GRAMD1A: variants seen among roughly 807,000 people sequenced by gnomAD.
GRAMD1A encodes GRAM domain containing 1A, also known as protein Aster-A.
Under a neutral mutation model 92.0 loss-of-function variants are expected in GRAMD1A, and 50 were observed. That is an observed-to-expected ratio of 0.54 (90% CI 0.43 to 0.69). The LOEUF (loss-of-function observed/expected upper bound fraction) is 0.69. Ranked by LOEUF, GRAMD1A falls within the 30% of genes least tolerant of loss-of-function variation. GRAMD1A has a pLI of 0.00. For synonymous variants in GRAMD1A, 405 were observed against 403.6 expected (o/e 1.00, Z -0.04); for missense variants, 819 against 978.9 (o/e 0.84, Z 2.18).
At chr19:35,000,321 G>T, upstream of GRAMD1A, 1 of 1,056,840 alleles carries the variant, frequency 9.5e-7, no homozygotes, top group Non-Finnish European at 1.1e-6. This position sits in a 1 kb window ranked among gnomAD's most constrained non-coding sequence, Gnocchi z 4.9. Flanking sequence ...GGCGGCTCCG[G>T]CCTTTTGTGC....
chr19:35,012,372 T>C (rs1460123371), intron 7 of GRAMD1A, among the ~76,000 whole-genome samples: 2 of 152,216 alleles, frequency 1.3e-5, no homozygotes, highest in East Asian at 3.8e-4. Context: ...ATACAGTGAG[T>C]TAGTACATCT....
intron 6 of GRAMD1A, 113 bp downstream of exon 6, chr19:35,010,492 C>G (rs1454241555): frequency 2.1e-5 from 15 of 729,890 alleles, no homozygotes. Flanking sequence ...GAGCTGTCCC[C>G]TTCTCTCTGT....
rs374726600 is a variant in GRAMD1A at position 35,021,998 on chromosome 19, G to C, written c.1801G>C (p.Gly601Arg). ...CGAACCATCTGTGGACCAGGGCCCC[G>C]GGGCAGGCATCCCCAGTGCCCTGGT... ...FSEPSVDQGP[G>R]AGIPSALVLI... The change falls in exon 16 of 20, where the codon GGG becomes CGG. Residue 601 changes from glycine to arginine, a missense_variant. Physicochemically the swap from Gly to Arg is moderately radical, Grantham distance 125. Transcript: ENST00000317991. The surrounding 1 kb of genome is among the most constrained non-coding windows in gnomAD (Gnocchi z 5.3). 2.2e-5 allele frequency: 36 copies of C among 1,613,884 alleles called. No individual in the cohort carries two copies. Among genetic ancestry groups the C allele is most frequent in the Non-Finnish European group, 2.9e-5 (34 of 1,179,950 alleles).
chr19:35,013,077 C>T lies in GRAMD1A; in HGVS notation c.607-179C>T, dbSNP rs2015353995. On this transcript the variant is annotated intron_variant, in intron 7 of 19. Transcript: ENST00000317991. The surrounding 1 kb of genome is among the most constrained non-coding windows in gnomAD (Gnocchi z 4.9). ...GAAGTTTGAGTCCTGGGCGCAGGCC[C>T]TGGAGGGGCTGTAGCAGGGGATTCC... The T allele has an allele frequency of 3.5e-6, 2 of 574,478 alleles. No individual in the cohort carries two copies. The highest frequency in any genetic ancestry group is 4.3e-5 in the South Asian group (2 of 46,414). The allele number at this position is 574,478 out of a possible 1,614,324, so 35.6% of individuals were successfully genotyped here.
At chr19:34,998,228 C>CA (rs1369752760), upstream of GRAMD1A, 1 of 149,712 alleles carries the variant, frequency 6.7e-6, no homozygotes, top group African/African-American at 2.5e-5. Flanking sequence ...GGACCTGAAG[C>CA]AAAATGGCAA....
intron 17 of GRAMD1A, 80 bp downstream of exon 17, chr19:35,022,991 C>G (rs559060666): frequency 9.1e-5 from 106 of 1,160,684 alleles, no homozygotes; most frequent in Middle Eastern, 2.0e-4. Flanking sequence ...ACCCCATGCC[C>G]CCCAGCTCCC....
chr19:35,022,990 C>T, intron 17 of GRAMD1A, 79 bp downstream of exon 17: 3 of 1,157,738 alleles, frequency 2.6e-6, no homozygotes, highest in Non-Finnish European at 3.8e-6. Flanking sequence ...CACCCCATGC[C>T]CCCCAGCTCC....
intron 3 of GRAMD1A, 193 bp downstream of exon 3, chr19:35,009,636 C>A: frequency 1.5e-6 from 1 of 666,376 alleles, no homozygotes; most frequent in Non-Finnish European, 2.7e-6. Flanking sequence ...CTCTCTCTGT[C>A]CTTGAGAAAC....
intron 19 of GRAMD1A, 90 bp downstream of exon 19, chr19:35,023,637 C>A: frequency 1.6e-6 from 2 of 1,272,144 alleles, no homozygotes; most frequent in South Asian, 1.6e-5. Context: ...CTTCCCCTCT[C>A]CGGATCTCAG....
chr19:35,024,206 A>G (rs538874452), intron 19 of GRAMD1A, among the ~76,000 whole-genome samples: 1 of 152,350 alleles, frequency 6.6e-6, no homozygotes, highest in East Asian at 1.9e-4. Flanking sequence ...CTCTGTGCAC[A>G]GGATAATGAC....
At position 35,023,564 on chromosome 19, in the gene GRAMD1A, G is replaced by C. The variant is rs372879824; in HGVS notation, c.2082+17G>C. 152 of 1,561,900 alleles carry C rather than the reference G, an allele frequency of 9.7e-5. 1 individual carries two copies. Among genetic ancestry groups the C allele is most frequent in the Middle Eastern group, 8.6e-4 (4 of 4,640 alleles). ...CTGGATGAGGTAGGAGGCGCCGCTC[G>C]GGCAGGGCTCGGGGCTGCGGGGCTG... On this transcript the variant is annotated intron_variant, in intron 19 of 19. Coordinates refer to ENST00000317991, the MANE Select transcript of GRAMD1A (RefSeq NM_020895.5).
At position 35,021,653 on chromosome 19, in the gene GRAMD1A, C is replaced by A. The variant is rs1197793887; in HGVS notation, c.1580-38C>A. ...GGCGTGGGTTGGGGGATGGCCTGGC[C>A]AGGTATGGACATCCAGAGCCCCCTC... On this transcript the variant is annotated intron_variant, in intron 14 of 19. Coordinates refer to ENST00000317991, the MANE Select transcript of GRAMD1A (RefSeq NM_020895.5). The surrounding 1 kb of genome is among the most constrained non-coding windows in gnomAD (Gnocchi z 5.3). 6.2e-7 allele frequency: 1 copy of A among 1,613,544 alleles called. No homozygotes were observed. The highest frequency in any genetic ancestry group is 1.7e-5 in the Admixed American group (1 of 60,020).
intron 19 of GRAMD1A, chr19:35,023,831 C>T (rs985036851): frequency 2.2e-5 from 7 of 325,258 alleles, no homozygotes; most frequent in South Asian, 1.4e-4. Context: ...GTCAGTCTCT[C>T]GTGCCCACTC....
intron 11 of GRAMD1A, among the ~76,000 whole-genome samples, chr19:35,017,666 C>T (rs1430423393): frequency 4.7e-5 from 7 of 147,800 alleles, no homozygotes; most frequent in Admixed American, 1.4e-4. Flanking sequence ...ACTGGTATCA[C>T]GCGGCCTCCT....
chr19:34,994,923 G>A (rs183065956), intron 1 of GRAMD1A: 1 of 152,390 alleles, frequency 6.6e-6, no homozygotes, highest in East Asian at 1.9e-4. Flanking sequence ...TCTGGTTCCC[G>A]AAGGTCCTCC....
At chr19:35,008,755 T>G (rs2015003951) in intron 1 of GRAMD1A, among the ~76,000 whole-genome samples, 1 of 152,126 alleles carries the variant, frequency 6.6e-6, no homozygotes, top group South Asian at 2.1e-4. Context: ...AGGCAGAGTT[T>G]GCAGTGAGCC....
chr19:35,014,617 A>T, intron 10 of GRAMD1A: 1 of 579,068 alleles, frequency 1.7e-6, no homozygotes, highest in Non-Finnish European at 3.1e-6. Context: ...TCCTGGTCAC[A>T]CCACTTCCTG....
At chr19:35,010,542 C>T (rs1056971585) in intron 6 of GRAMD1A, 163 bp downstream of exon 6, 7 of 613,110 alleles carry the variant, frequency 1.1e-5, no homozygotes, top group African/African-American at 3.7e-5. Context: ...ACCTGATCCC[C>T]GCACCAGCCT....
intron 16 of GRAMD1A, 62 bp downstream of exon 16, chr19:35,022,100 T>G: frequency 1.6e-6 from 2 of 1,252,010 alleles, no homozygotes; most frequent in Non-Finnish European, 2.3e-6. Flanking sequence ...CTGTGTGACC[T>G]TGGGCAAGTG....
Sources: allele counts gnomAD v4.1 joint callset (sites outside exome capture counted in the v4.1 genomes callset), GRCh38; gene constraint gnomAD v4.1.1; non-coding constraint Gnocchi (gnomAD v3.1); transcripts MANE v1.5; gene names NCBI Gene and HGNC (gene_info 2026-07-23, HGNC 2026-07-21).